LRP1B: variants seen among roughly 807,000 people sequenced by gnomAD.
LRP1B encodes low-density lipoprotein receptor-related protein 1B.
In LRP1B, 217 loss-of-function variants were observed where a neutral mutation model predicts 556.6. That is an observed-to-expected ratio of 0.39 (90% confidence interval 0.35 to 0.44). The LOEUF (loss-of-function observed/expected upper bound fraction) is 0.44. LRP1B is among the 20% of genes least tolerant of loss of function. LRP1B has a pLI of 1.00. For missense variants in LRP1B, 5,053 were observed against 5,620.8 expected (o/e 0.90, Z 3.23); for synonymous variants, 2,047 against 1,865.8 (o/e 1.10, Z -2.50).
intron 2 of LRP1B, among the ~76,000 whole-genome samples, chr2:141,799,801 A>AGTGTGTGTGTGT (rs1553466028): frequency 1.1e-5 from 1 of 93,284 alleles, no homozygotes; most frequent in African/African-American, 4.5e-5. Context: ...GTTTTTAAAG[A>AGTGTGTGTGTGT]GTGTGTCTGT....
At chr2:141,666,892 CAA>C (rs1690460537) in intron 2 of LRP1B, among the ~76,000 whole-genome samples, 1 of 152,140 alleles carries the variant, frequency 6.6e-6, no homozygotes, top group Non-Finnish European at 1.5e-5. Context: ...TCATTAAACA[CAA>C]GAGCATTACT....
chr2:140,543,822 T>G (rs1398480940), intron 43 of LRP1B, among the ~76,000 whole-genome samples: 1 of 152,000 alleles, frequency 6.6e-6, no homozygotes, highest in Non-Finnish European at 1.5e-5. Flanking sequence ...TAAATTAATT[T>G]AGTAAAATTG....
chr2:141,951,291 G>A (rs776243241), intron 1 of LRP1B, among the ~76,000 whole-genome samples: 6 of 151,942 alleles, frequency 3.9e-5, no homozygotes, highest in Non-Finnish European at 5.9e-5. Context: ...CCCGTTACCC[G>A]AGCAGTGTAC....
rs575410015 is a variant in LRP1B, at chr2:141,611,556, A to T, written c.206-131023T>A. ...TACTCTGCAGCTAGTACAAAAGGAG[A>T]GGGATTTGCATTAGAACAAGTGCTA... On this transcript the variant is annotated intron_variant, in intron 2 of 90. Coordinates refer to ENST00000389484, the MANE Select transcript of LRP1B (RefSeq NM_018557.3). Among the ~76,000 whole-genome samples the T allele has an allele frequency of 8.5e-5, 13 of 152,304 alleles. No homozygotes were observed. In the South Asian group the frequency reaches 2.5e-3, roughly 29 times the overall value.
chr2:141,020,324 T>C (rs1388562812), intron 11 of LRP1B, among the ~76,000 whole-genome samples: 1 of 152,066 alleles, frequency 6.6e-6, no homozygotes, highest in Admixed American at 6.6e-5. Context: ...CCTCTCTCAA[T>C]TGTACACAGT....
intron 72 of LRP1B, among the ~76,000 whole-genome samples, chr2:140,363,123 A>G (rs2105147435): frequency 6.6e-6 from 1 of 151,784 alleles, no homozygotes; most frequent in East Asian, 1.9e-4. Context: ...AATTAATTCT[A>G]TCATTGCTGG....
intron 1 of LRP1B, among the ~76,000 whole-genome samples, chr2:142,028,831 A>G (rs192007272): frequency 6.6e-6 from 1 of 152,044 alleles, no homozygotes; most frequent in Non-Finnish European, 1.5e-5. Context: ...ACTTGATGTC[A>G]ACATTTTCCC....
At chr2:140,518,982 C>A (rs1453311476) in intron 49 of LRP1B, among the ~76,000 whole-genome samples, 4 of 152,094 alleles carry the variant, frequency 2.6e-5, no homozygotes, top group African/African-American at 9.7e-5. Flanking sequence ...AATGGAAGAA[C>A]AGTCCATGCT....
intron 3 of LRP1B, among the ~76,000 whole-genome samples, chr2:141,405,938 A>G (rs914765784): frequency 6.6e-6 from 1 of 152,086 alleles, no homozygotes; most frequent in Non-Finnish European, 1.5e-5. Flanking sequence ...TCTTTCTTAT[A>G]TAGTACAGTA....
At chr2:140,644,425 T>G (rs1351325833) in intron 41 of LRP1B, among the ~76,000 whole-genome samples, 2 of 146,798 alleles carry the variant, frequency 1.4e-5, no homozygotes, top group Non-Finnish European at 3.0e-5. Context: ...TTTGAGACAG[T>G]GTCTTCCTCT....
At chr2:141,687,923 G>C (rs930127533) in intron 2 of LRP1B, among the ~76,000 whole-genome samples, 4 of 122,196 alleles carry the variant, frequency 3.3e-5, no homozygotes, top group African/African-American at 1.3e-4. Context: ...TGCTGGTTTG[G>C]GCAAGTTCTC....
intron 79 of LRP1B, among the ~76,000 whole-genome samples, chr2:140,328,056 GA>G (rs367619345): frequency 2.6e-5 from 4 of 151,960 alleles, no homozygotes; most frequent in Admixed American, 6.6e-5. Context: ...AAGTTTATAT[GA>G]AAAAAGTTCA....
rs1381642089 is a variant in LRP1B at position 140,782,475 on chromosome 2, G to A, written c.5360-6237C>T. On this transcript the variant is annotated intron_variant, in intron 32 of 90. Coordinates refer to ENST00000389484, the MANE Select transcript of LRP1B (RefSeq NM_018557.3). ...GAGAAGACCGTCATCTACAAATAAGGAGAGTGACCTTAGAAGAATCCTGCC... is the reference window on the plus strand; with the variant it reads ...GAGAAGACCGTCATCTACAAATAAGAAGAGTGACCTTAGAAGAATCCTGCC... Among the ~76,000 whole-genome samples, 2 of 152,030 alleles carry A rather than the reference G, an allele frequency of 1.3e-5. 1 individual carries two copies. Among genetic ancestry groups the A allele is most frequent in the Non-Finnish European group, 2.9e-5 (2 of 68,006 alleles).
intron 1 of LRP1B, among the ~76,000 whole-genome samples, chr2:141,932,320 A>G (rs754694732): frequency 6.6e-6 from 1 of 152,104 alleles, no homozygotes; most frequent in Non-Finnish European, 1.5e-5. Flanking sequence ...TTGAGAAAAG[A>G]GGAATTAAAA....
At chr2:142,102,501 G>A (rs1213211481) in intron 1 of LRP1B, among the ~76,000 whole-genome samples, 2 of 150,756 alleles carry the variant, frequency 1.3e-5, no homozygotes. Flanking sequence ...TATTTTGAAA[G>A]TATCTAAAAT....
At chr2:140,908,184 A>T (rs1234867946) in intron 21 of LRP1B, 107 bp from the exon 22 acceptor site, 4 of 754,722 alleles carry the variant, frequency 5.3e-6, no homozygotes, top group Non-Finnish European at 4.4e-6. Flanking sequence ...TGTCTTTAGC[A>T]AAAGAAAACA....
chr2:142,015,845 A>T (rs1280600691), intron 1 of LRP1B, among the ~76,000 whole-genome samples: 1 of 151,876 alleles, frequency 6.6e-6, no homozygotes, highest in African/African-American at 2.4e-5. Flanking sequence ...ACAAAAAATT[A>T]GCCGGGCGTG....
chr2:141,434,538 C>T (rs772901393), intron 3 of LRP1B, among the ~76,000 whole-genome samples: 5 of 152,072 alleles, frequency 3.3e-5, no homozygotes, highest in Admixed American at 6.6e-5. Context: ...AGTCTCCAAA[C>T]GTATTTTTAA....
intron 6 of LRP1B, among the ~76,000 whole-genome samples, chr2:141,228,902 G>GA (rs1369039908): frequency 8.2e-4 from 123 of 149,494 alleles, no homozygotes; most frequent in African/African-American, 2.0e-3. Flanking sequence ...CCACTCAGTG[G>GA]AATAAAAAAA....
Sources: allele counts gnomAD v4.1 joint callset (sites outside exome capture counted in the v4.1 genomes callset), GRCh38; gene constraint gnomAD v4.1.1; transcripts MANE v1.5; gene names NCBI Gene and HGNC (gene_info 2026-07-23, HGNC 2026-07-21).